The following ADGRB3 variants were observed in gnomAD, a reference collection of about 807,000 sequenced individuals.
ADGRB3 encodes the protein adhesion G protein-coupled receptor B3, also known as brain-specific angiogenesis inhibitor 3.
A neutral mutation model predicts 193.4 loss-of-function variants in ADGRB3; 37 were observed. The ratio of observed to expected loss-of-function variants is 0.19; its 90% CI spans 0.15 to 0.25. ADGRB3 has a LOEUF of 0.25. ADGRB3 is among the 10% of genes least tolerant of loss of function. The pLI is 1.00. For synonymous variants in ADGRB3, 690 were observed against 644.2 expected (o/e 1.07, Z -1.08); for missense variants, 1,637 against 1,852.9 (o/e 0.88, Z 2.14).
At chr6:68,742,999 C>T (rs1297633785) in intron 3 of ADGRB3, among the ~76,000 whole-genome samples, 1 of 151,946 alleles carries the variant, frequency 6.6e-6, no homozygotes, top group African/African-American at 2.4e-5. Context: ...ATTCTTACAG[C>T]TCAGTTTACC....
At chr6:68,702,380 A>G (rs1462943707) in intron 3 of ADGRB3, among the ~76,000 whole-genome samples, 3 of 152,208 alleles carry the variant, frequency 2.0e-5, no homozygotes, top group African/African-American at 7.2e-5. Flanking sequence ...CCCACTTCCA[A>G]CATTGGGGAA....
chr6:68,822,596 A>G (rs1767766464), intron 3 of ADGRB3, among the ~76,000 whole-genome samples: 1 of 151,984 alleles, frequency 6.6e-6, no homozygotes, highest in Non-Finnish European at 1.5e-5. Context: ...TTCAAAAGCT[A>G]CCATTCAAGG....
At chr6:69,094,673 G>T (rs1296399277) in intron 17 of ADGRB3, among the ~76,000 whole-genome samples, 1 of 152,028 alleles carries the variant, frequency 6.6e-6, no homozygotes, top group Non-Finnish European at 1.5e-5. Context: ...AAATCTTCAT[G>T]GTTGGCTATC....
intron 3 of ADGRB3, among the ~76,000 whole-genome samples, chr6:68,777,263 A>G (rs1766765015): frequency 6.6e-6 from 1 of 152,154 alleles, no homozygotes; most frequent in African/African-American, 2.4e-5. Flanking sequence ...ATGTTAAATT[A>G]ATTGACCTTG....
At chr6:69,104,640 C>G (rs1773160216) in intron 17 of ADGRB3, among the ~76,000 whole-genome samples, 1 of 151,980 alleles carries the variant, frequency 6.6e-6, no homozygotes, top group African/African-American at 2.4e-5. Context: ...GTATGGGAAG[C>G]TGTCACTTCT....
At position 68,852,412 on chromosome 6, in the gene ADGRB3, C is replaced by T. The variant is rs569441480; in HGVS notation, c.758-78147C>T. ...ATTATAAATACATGGTAATAGACCT[C>T]TAACAAAAATGCTCAAATTATTTTA... is the stretch of plus-strand genomic sequence containing the variant. On this transcript the variant is annotated intron_variant, in intron 3 of 31. Transcript: ENST00000370598. Among the ~76,000 whole-genome samples, 304 of 152,002 alleles carry T rather than the reference C, an allele frequency of 2.0e-3. 1 individual carries two copies. Among genetic ancestry groups the T allele is most frequent in the African/African-American group, 6.9e-3 (288 of 41,540 alleles).
intron 17 of ADGRB3, among the ~76,000 whole-genome samples, chr6:69,222,154 C>T (rs1260740427): frequency 6.6e-6 from 1 of 152,080 alleles, no homozygotes; most frequent in Non-Finnish European, 1.5e-5. Context: ...AGGGATAATC[C>T]TTGATGGATA....
intron 3 of ADGRB3, among the ~76,000 whole-genome samples, chr6:68,669,636 G>C (rs867021206): frequency 5.5e-4 from 83 of 150,382 alleles, no homozygotes; most frequent in African/African-American, 1.9e-3. Flanking sequence ...GTGTGTGTGT[G>C]TGTGTGTGTG....
chr6:68,987,782 A>G (rs2150272098), intron 10 of ADGRB3, among the ~76,000 whole-genome samples: 1 of 152,284 alleles, frequency 6.6e-6, no homozygotes, highest in Middle Eastern at 3.4e-3. Context: ...TTAAAGCTCA[A>G]GTGAGGTACC....
intron 3 of ADGRB3, among the ~76,000 whole-genome samples, chr6:68,890,058 T>C (rs971791916): frequency 6.6e-6 from 1 of 152,204 alleles, no homozygotes; most frequent in Non-Finnish European, 1.5e-5. Context: ...TAACAAAATG[T>C]CAATATTTTC....
intron 3 of ADGRB3, among the ~76,000 whole-genome samples, chr6:68,825,301 C>T (rs1049596468): frequency 2.6e-5 from 4 of 151,890 alleles, no homozygotes; most frequent in African/African-American, 9.7e-5. Flanking sequence ...TTCTGTATGG[C>T]CTTTATTGTA....
intron 3 of ADGRB3, among the ~76,000 whole-genome samples, chr6:68,856,309 G>A (rs1764985136): frequency 6.6e-6 from 1 of 152,196 alleles, no homozygotes; most frequent in South Asian, 2.1e-4. Flanking sequence ...TTTGGAACTG[G>A]GTAACAGGCA....
At chr6:68,807,235 C>T (rs76494201) in intron 3 of ADGRB3, among the ~76,000 whole-genome samples, 498 of 100,146 alleles carry the variant, frequency 5.0e-3, no homozygotes, top group Middle Eastern at 0.04. Flanking sequence ...TTTCTTTTTT[C>T]TTTTTTTTTT....
At chr6:68,644,017 A>G (rs1314082002) in intron 3 of ADGRB3, among the ~76,000 whole-genome samples, 1 of 150,416 alleles carries the variant, frequency 6.6e-6, no homozygotes, top group Non-Finnish European at 1.5e-5. Context: ...CAAACAACAA[A>G]CAAAAAAAAA....
chr6:69,178,206 C>T (rs1775482155), intron 17 of ADGRB3, among the ~76,000 whole-genome samples: 1 of 151,892 alleles, frequency 6.6e-6, no homozygotes, highest in African/African-American at 2.4e-5. Flanking sequence ...TCCTTTTTTA[C>T]TTTGGTTGGT....
chr6:69,122,269 C>T (rs1428664174), intron 17 of ADGRB3, among the ~76,000 whole-genome samples: 3 of 151,474 alleles, frequency 2.0e-5, no homozygotes, highest in African/African-American at 2.4e-5. Context: ...GTCAACAGGG[C>T]GAAACCCCGT....
chr6:69,065,323 C>T (rs984801460), intron 16 of ADGRB3, among the ~76,000 whole-genome samples: 4 of 152,160 alleles, frequency 2.6e-5, no homozygotes, highest in African/African-American at 9.7e-5. Context: ...CCGTGCACAT[C>T]GTGCCTCTTC....
At chr6:69,025,827 A>G (rs1411180494) in intron 13 of ADGRB3, among the ~76,000 whole-genome samples, 3 of 152,162 alleles carry the variant, frequency 2.0e-5, no homozygotes, top group Non-Finnish European at 1.5e-5. Flanking sequence ...AAATTATCTC[A>G]TGGTATTTAC....
chr6:68,984,669 G>T (rs939964864), intron 10 of ADGRB3, among the ~76,000 whole-genome samples: 1 of 151,956 alleles, frequency 6.6e-6, no homozygotes, highest in African/African-American at 2.4e-5. Context: ...ATTTTTATAT[G>T]TTAAAATAAA....
Sources: allele counts gnomAD v4.1 joint callset (sites outside exome capture counted in the v4.1 genomes callset), GRCh38; gene constraint gnomAD v4.1.1; transcripts MANE v1.5; gene names NCBI Gene and HGNC (gene_info 2026-07-23, HGNC 2026-07-21).